GRM8: variants seen among roughly 807,000 people sequenced by gnomAD.
The protein encoded by GRM8 is glutamate metabotropic receptor 8, also known as metabotropic glutamate receptor 8.
A neutral mutation model predicts 87.2 loss-of-function variants in GRM8; 47 were observed. The ratio of observed to expected loss-of-function variants is 0.54; its 90% CI spans 0.43 to 0.69. GRM8 has a LOEUF of 0.69. Ranked by LOEUF, GRM8 falls within the 30% of genes least tolerant of loss-of-function variation. The pLI, the probability that GRM8 is intolerant of heterozygous loss-of-function variation, is 0.00. For missense variants in GRM8, 1,019 were observed against 1,139.2 expected (o/e 0.89, Z 1.52); for synonymous variants, 396 against 404.5 (o/e 0.98, Z 0.25).
chr7:127,098,016 C>T lies in GRM8; in HGVS notation c.727+8480G>A, dbSNP rs140029539. On this transcript the variant is annotated intron_variant, in intron 3 of 10. Coordinates refer to ENST00000339582, the MANE Select transcript of GRM8 (RefSeq NM_000845.3). ...TTGAAATGACACTATATTTGATCAGCTTCTGCAATAACTGTTAAAATCATA... is the reference window on the plus strand; with the variant it reads ...TTGAAATGACACTATATTTGATCAGTTTCTGCAATAACTGTTAAAATCATA... Among the ~76,000 whole-genome samples, 177 of 152,302 alleles carry T rather than the reference C, an allele frequency of 1.2e-3. 1 individual carries two copies. Among genetic ancestry groups the T allele is most frequent in the African/African-American group, 4.2e-3 (176 of 41,558 alleles).
intron 10 of GRM8, among the ~76,000 whole-genome samples, chr7:126,443,673 C>A (rs576561775): frequency 6.6e-6 from 1 of 151,934 alleles, no homozygotes; most frequent in South Asian, 2.1e-4. Context: ...TACTTTTTGA[C>A]TTTACTTCAC....
At chr7:126,617,108 A>G (rs955329049) in intron 7 of GRM8, among the ~76,000 whole-genome samples, 1 of 152,222 alleles carries the variant, frequency 6.6e-6, no homozygotes, top group Non-Finnish European at 1.5e-5. Flanking sequence ...CCTGATGAAC[A>G]TCGCTGTGAA....
chr7:126,868,839 T>C (rs930966785), intron 6 of GRM8: 1 of 152,218 alleles, frequency 6.6e-6, no homozygotes, highest in African/African-American at 2.4e-5. Flanking sequence ...AGCTGAATCA[T>C]CTGGGTGGTA....
In GRM8 at chr7:126,618,560, C is replaced by T. The variant is rs139710388; in HGVS notation, c.1358-9062G>A. Among the ~76,000 whole-genome samples the T allele has an allele frequency of 2.0e-3, 303 of 152,160 alleles. 1 individual carries two copies. The highest frequency in any genetic ancestry group is 6.2e-3 in the African/African-American group (257 of 41,520). On this transcript the variant is annotated intron_variant, in intron 7 of 10. Coordinates refer to ENST00000339582, the MANE Select transcript of GRM8 (RefSeq NM_000845.3). ...ATTAAACTAAGGAGCTTCTACACAG[C>T]GAAAGAAACTACCATCAGAGTGAAC...
chr7:126,537,758 C>T (rs374258500), intron 8 of GRM8, among the ~76,000 whole-genome samples: 2 of 151,670 alleles, frequency 1.3e-5, no homozygotes, highest in South Asian at 2.1e-4. Flanking sequence ...GCCTGGGTGA[C>T]AGAGCGAGAC....
intron 3 of GRM8, among the ~76,000 whole-genome samples, chr7:127,055,666 T>TACACAC (rs34380122): frequency 6.6e-6 from 1 of 151,874 alleles, no homozygotes; most frequent in African/African-American, 2.4e-5. Flanking sequence ...AATATTTATA[T>TACACAC]ATACACACAC....
chr7:127,034,735 C>T (rs1817692838), intron 3 of GRM8, among the ~76,000 whole-genome samples: 1 of 152,140 alleles, frequency 6.6e-6, no homozygotes, highest in African/African-American at 2.4e-5. Flanking sequence ...CAAAATTGTA[C>T]TCACTTTATC....
chr7:127,053,804 G>GGC (rs1056487705), intron 3 of GRM8, among the ~76,000 whole-genome samples: 3 of 135,150 alleles, frequency 2.2e-5, no homozygotes, highest in South Asian at 2.7e-4. Flanking sequence ...AAAAAGGGGG[G>GGC]GGGGAATATA....
At position 127,134,489 on chromosome 7, in the gene GRM8, A is replaced by G. The variant is rs977092202; in HGVS notation, c.511-27777T>C. Among the ~76,000 whole-genome samples, 49 of 152,216 alleles carry G rather than the reference A, an allele frequency of 3.2e-4. 1 individual carries two copies. The highest frequency in any genetic ancestry group is 1.2e-3 in the African/African-American group (48 of 41,462). On this transcript the variant is annotated intron_variant, in intron 2 of 10. Transcript: ENST00000339582. ...TAAAATCTGCAATGATTCAACAAAG[A>G]AAGTGTGAGAACCAAATGGGATTAT...
At chr7:127,001,949 T>TA (rs1375905363) in intron 3 of GRM8, among the ~76,000 whole-genome samples, 6 of 151,736 alleles carry the variant, frequency 4.0e-5, no homozygotes, top group Non-Finnish European at 8.9e-5. Flanking sequence ...AGGCACACTG[T>TA]ATCATTCCAT....
At chr7:127,084,208 A>G (rs142143498) in intron 3 of GRM8, 40 of 152,318 alleles carry the variant, frequency 2.6e-4, no homozygotes, top group African/African-American at 7.7e-4. Context: ...AGTTAAAAAG[A>G]TGTTTCTCAA....
Position 126,543,806 on chromosome 7 carries a change from A to G in GRM8, c.1495-9919T>C, listed in dbSNP as rs538828798. 7.9e-5 allele frequency among the ~76,000 whole-genome samples: 12 copies of G among 152,342 alleles called. No homozygotes were observed. The South Asian group carries it at 2.5e-3, about 32-fold the overall frequency. On this transcript the variant is annotated intron_variant, in intron 8 of 10. Coordinates refer to ENST00000339582, the MANE Select transcript of GRM8 (RefSeq NM_000845.3). ...ATCACTGGAAAGAGTCAATTTAAGA[A>G]GCACACTCAGGAAGACCAGTGGAAA...
intron 2 of GRM8, among the ~76,000 whole-genome samples, chr7:127,165,190 A>ATATATATG (rs1793377367): frequency 9.5e-6 from 1 of 105,720 alleles, no homozygotes; most frequent in African/African-American, 3.6e-5. Flanking sequence ...ATATATATAT[A>ATATATATG]TATTCAGGTT....
At chr7:126,744,925 C>T (rs1344916917) in intron 7 of GRM8, among the ~76,000 whole-genome samples, 1 of 151,476 alleles carries the variant, frequency 6.6e-6, no homozygotes, top group Non-Finnish European at 1.5e-5. Flanking sequence ...TTTGCAATGG[C>T]TATTTTTCAT....
intron 3 of GRM8, among the ~76,000 whole-genome samples, chr7:126,946,335 T>C (rs1445376339): frequency 6.6e-6 from 1 of 152,042 alleles, no homozygotes; most frequent in African/African-American, 2.4e-5. Context: ...GACCCCCCCA[T>C]CTCTACAAAA....
At chr7:126,446,029 G>A (rs1275550161) in intron 10 of GRM8, 97 bp downstream of exon 10, 10 of 1,423,572 alleles carry the variant, frequency 7.0e-6, no homozygotes, top group Non-Finnish European at 8.9e-6. Flanking sequence ...CTGGAAACAT[G>A]TAGCACAATC....
intron 6 of GRM8, among the ~76,000 whole-genome samples, chr7:126,850,763 G>A (rs1157372753): frequency 6.6e-6 from 1 of 152,132 alleles, no homozygotes; most frequent in African/African-American, 2.4e-5. Context: ...TTCATGTTTT[G>A]TCTGTGTCTA....
intron 7 of GRM8, among the ~76,000 whole-genome samples, chr7:126,711,903 T>C (rs1811141024): frequency 6.6e-6 from 1 of 152,260 alleles, no homozygotes; most frequent in African/African-American, 2.4e-5. Context: ...GGCTTTGGTA[T>C]AAAGGAATGT....
chr7:127,010,131 C>T (rs1814739685), intron 3 of GRM8, among the ~76,000 whole-genome samples: 1 of 152,170 alleles, frequency 6.6e-6, no homozygotes. Context: ...GCATGAGCCA[C>T]CACACCTGGC....
Sources: allele counts gnomAD v4.1 joint callset (sites outside exome capture counted in the v4.1 genomes callset), GRCh38; gene constraint gnomAD v4.1.1; transcripts MANE v1.5; gene names NCBI Gene and HGNC (gene_info 2026-07-23, HGNC 2026-07-21).